The following TMEM200C variants were observed in gnomAD, a reference collection of about 807,000 sequenced individuals.
TMEM200C encodes the protein transmembrane protein TTMA.
For missense variants in TMEM200C, 966 were observed against 699.9 expected (o/e 1.38, Z -4.29); for synonymous variants, 462 against 324.7 (o/e 1.42, Z -4.55).
At position 5,891,279 on chromosome 18, in the gene TMEM200C, T is replaced by C; in HGVS notation, c.785A>G (p.Lys262Arg). ...CCCGGAGCCACCGCAGCCCCCGGGC[T>C]TCAGCTCCAGGCCCCGCGACTGCAC... Residue 262 changes from lysine to arginine, a missense_variant, in exon 3 of 3, where the codon AAG (lysine) becomes AGG (arginine). Physicochemically the swap from Lys to Arg is conservative, Grantham distance 26 (BLOSUM62 2). Coordinates refer to ENST00000581347, the Ensembl canonical transcript of TMEM200C. This position sits in a 1 kb window ranked among gnomAD's most constrained non-coding sequence, Gnocchi z 4.7. The C allele has an allele frequency of 7.1e-7, 1 of 1,412,454 alleles. No homozygotes were observed. The highest frequency in any genetic ancestry group is 3.2e-5 in the East Asian group (1 of 31,312). 87.5% of individuals were successfully genotyped at this position (1,412,454 alleles called of 1,614,324 possible). A position where few individuals can be genotyped will look rare whatever the true frequency, so the allele number is the denominator to read the frequency against.
In TMEM200C at chr18:5,891,326, C is replaced by T. The variant is rs1220600215; in HGVS notation, c.738G>A (p.Pro246=). 8 of 1,368,258 alleles carry T rather than the reference C, an allele frequency of 5.8e-6. No homozygotes were observed. Among genetic ancestry groups the T allele is most frequent in the Non-Finnish European group, 7.6e-6 (8 of 1,057,376 alleles). The allele number at this position is 1,368,258 out of a possible 1,614,324, so 84.8% of individuals were successfully genotyped here. ...GCACGTAGCTGAGGAAGCCGTTGAG[C>T]GGTATGGCCCCGGGGGGCGCCGCGG... Residue 246 remains proline (P), a synonymous_variant, in exon 3 of 3, where the codon CCG becomes CCA. Transcript: ENST00000581347. The surrounding 1 kb of genome is among the most constrained non-coding windows in gnomAD (Gnocchi z 4.7).
rs1446682038 is a variant in TMEM200C, at chr18:5,891,218, G to C, written c.846C>G (p.Gly282=). The stretch of plus-strand genomic sequence containing the variant: ...GCGCCGCGGGGTGAGGAGGCCACGA[G>C]CCCTTGGCCAGCATCGCCGCCGCTC... The change falls in exon 3 of 3, where the codon GGC becomes GGG. Residue 282 remains glycine (G), a synonymous_variant. Transcript: ENST00000581347. This position sits in a 1 kb window ranked among gnomAD's most constrained non-coding sequence, Gnocchi z 4.7. 8.2e-7 allele frequency: 1 copy of C among 1,215,190 alleles called. No homozygotes were observed. 75.3% of individuals were successfully genotyped at this position (1,215,190 alleles called of 1,614,324 possible).
At chr18:5,885,204 T>C (rs1331974734) in exon 3 of TMEM200C, 3 of 152,094 alleles carry the variant, frequency 2.0e-5, no homozygotes, top group Admixed American at 2.0e-4. Flanking sequence ...AGGATGCTCT[T>C]TTTCTTCCAC....
At chr18:5,882,332 T>C (rs1040337935) in exon 3 of TMEM200C, 1 of 152,190 alleles carries the variant, frequency 6.6e-6, no homozygotes, top group African/African-American at 2.4e-5. Context: ...ATTTGCCAAG[T>C]GTTGCATTTA....
rs916844811 is a variant in TMEM200C, at chr18:5,892,171, G to A, written c.-94-14C>T. ...CACCTCCTCCTGCTGCAAAGCAGAG[G>A]AAGACAGTCAGAGGGTGTCAGCTTG... On this transcript the variant is annotated splice_polypyrimidine_tract_variant and intron_variant, in intron 2 of 2. Transcript: ENST00000581347. The A allele has an allele frequency of 1.8e-6, 2 of 1,124,466 alleles. No individual in the cohort carries two copies. The highest frequency in any genetic ancestry group is 2.5e-6 in the Non-Finnish European group (2 of 800,380). 69.7% of individuals were successfully genotyped at this position (1,124,466 alleles called of 1,614,324 possible).
chr18:5,892,494 C>G (rs149629750), intron 2 of TMEM200C, among the ~76,000 whole-genome samples: 17 of 152,306 alleles, frequency 1.1e-4, no homozygotes, highest in African/African-American at 3.9e-4. Context: ...CAATGGAGTT[C>G]CAACCATTAG....
exon 3 of TMEM200C, chr18:5,888,141 C>G (rs940336169): frequency 2.0e-5 from 3 of 152,128 alleles, no homozygotes; most frequent in African/African-American, 7.2e-5. Flanking sequence ...TATAAATTAC[C>G]CAGTACCCAA....
chr18:5,887,672 G>A (rs1567885504), exon 3 of TMEM200C: 1 of 152,166 alleles, frequency 6.6e-6, no homozygotes, highest in Non-Finnish European at 1.5e-5. Flanking sequence ...TTGCTGTGAG[G>A]ATTCACTGAG....
At chr18:5,895,503 C>G (rs1017131194) in intron 1 of TMEM200C, 3 of 149,234 alleles carry the variant, frequency 2.0e-5, no homozygotes, top group Admixed American at 2.0e-4. Flanking sequence ...AGCCATGACA[C>G]AGGGAAATTG....
At chr18:5,892,008 C>A (rs374225402) in exon 3 of TMEM200C, 8 of 1,613,794 alleles carry the variant, frequency 5.0e-6, no homozygotes, top group African/African-American at 1.3e-5. Flanking sequence ...GCTTGGGGGG[C>A]GGAGTGGATC....
At chr18:5,895,994 T>A (rs1599529310), upstream of TMEM200C, 1 of 152,706 alleles carries the variant, frequency 6.5e-6, no homozygotes, top group East Asian at 2.0e-4. Context: ...CGTGCCTCGG[T>A]CTTTTGTTGC....
At chr18:5,890,122 G>C in exon 3 of TMEM200C, 2 of 1,347,256 alleles carry the variant, frequency 1.5e-6, no homozygotes, top group Non-Finnish European at 2.0e-6. Flanking sequence ...AAAAGAAACA[G>C]GGACCTGTTA....
At chr18:5,888,182 G>A (rs1244439001) in exon 3 of TMEM200C, 1 of 152,164 alleles carries the variant, frequency 6.6e-6, no homozygotes, top group Non-Finnish European at 1.5e-5. Context: ...AAGGAAGTTT[G>A]ACATTTACTT....
intron 2 of TMEM200C, among the ~76,000 whole-genome samples, chr18:5,892,518 T>G (rs9948128): frequency 1.3e-5 from 2 of 151,926 alleles, no homozygotes; most frequent in Non-Finnish European, 2.9e-5. Flanking sequence ...AACCTAAATG[T>G]AGGGACTCAA....
exon 3 of TMEM200C, chr18:5,882,795 C>A (rs894794632): frequency 2.0e-5 from 3 of 151,998 alleles, no homozygotes; most frequent in Non-Finnish European, 4.4e-5. Flanking sequence ...TGTTCTCAGG[C>A]ATGAAGCTGA....
exon 3 of TMEM200C, chr18:5,883,250 A>ATT (rs1567884326): frequency 6.6e-6 from 1 of 152,162 alleles, no homozygotes; most frequent in Admixed American, 6.5e-5. Flanking sequence ...AAATCAAGTA[A>ATT]TTATGTGAGG....
exon 3 of TMEM200C, chr18:5,886,721 T>C (rs1271624498): frequency 6.6e-6 from 1 of 152,184 alleles, no homozygotes; most frequent in African/African-American, 2.4e-5. Flanking sequence ...AAATAATTAA[T>C]TCTATGTGCC....
At chr18:5,889,982 G>C (rs1445780956) in exon 3 of TMEM200C, 1 of 388,584 alleles carries the variant, frequency 2.6e-6, no homozygotes, top group African/African-American at 2.1e-5. Context: ...AATCACCATC[G>C]GACATAAAAA....
In TMEM200C at chr18:5,891,223, T is replaced by C; in HGVS notation, c.841A>G (p.Lys281Glu). 1 of 1,269,652 alleles carries C rather than the reference T, an allele frequency of 7.9e-7. No individual in the cohort carries two copies. The highest frequency in any genetic ancestry group is 1.0e-6 in the Non-Finnish European group (1 of 981,972). 78.6% of individuals were successfully genotyped at this position (1,269,652 alleles called of 1,614,324 possible). A position where few individuals can be genotyped will look rare whatever the true frequency, so the allele number is the denominator to read the frequency against. ...GCGGGGTGAGGAGGCCACGAGCCCT[T>C]GGCCAGCATCGCCGCCGCTCCGAAG... Residue 281 changes from lysine (K) to glutamate (E), a missense_variant, in exon 3 of 3, where the codon AAG (lysine) becomes GAG (glutamate). Physicochemically the swap from Lys to Glu is moderately conservative, Grantham distance 56. Coordinates refer to ENST00000581347, the Ensembl canonical transcript of TMEM200C. The surrounding 1 kb of genome is among the most constrained non-coding windows in gnomAD (Gnocchi z 4.7).
Sources: gnomAD v4.1 joint callset for allele counts (sites outside exome capture counted in the v4.1 genomes callset) on GRCh38, gnomAD v4.1.1 for gene constraint, Gnocchi (gnomAD v3.1) non-coding constraint, MANE v1.5 for transcripts, NCBI Gene and HGNC (gene_info 2026-07-23, HGNC 2026-07-21) for gene names.